Variants in ZNF226 observed in about 807,000 individuals in gnomAD.
The protein encoded by ZNF226 is zinc finger protein 226, also known as Kruppel-associated box protein.
Under a neutral mutation model 11.4 loss-of-function variants are expected in ZNF226, and 6 were observed. That is an observed-to-expected ratio of 0.53 (90% CI 0.29 to 1.04). The LOEUF is 1.04. Ranked by LOEUF, ZNF226 falls within the 50% of genes least tolerant of loss-of-function variation. The pLI, the probability that ZNF226 is intolerant of heterozygous loss-of-function variation, is 0.08. For synonymous variants in ZNF226, 350 were observed against 322.8 expected (o/e 1.08, Z -0.90); for missense variants, 1,058 against 956.5 (o/e 1.11, Z -1.40).
chr19:44,186,219 T>C, the ZNF226 span, among the ~76,000 whole-genome samples: 2 of 152,184 alleles, frequency 1.3e-5, no homozygotes, highest in East Asian at 3.9e-4. Flanking sequence ...TTAGAATTTT[T>C]TTTTCCTATT....
chr19:44,177,582 C>T lies in ZNF226; in HGVS notation c.2320C>T (p.His774Tyr), dbSNP rs2122525619. 1 of 1,613,958 alleles carries T rather than the reference C, an allele frequency of 6.2e-7. No individual in the cohort carries two copies. The highest frequency in any genetic ancestry group is 8.5e-7 in the Non-Finnish European group (1 of 1,179,886). Residue 774 changes from histidine (H) to tyrosine (Y), a missense_variant, in exon 6 of 6, where the codon CAC becomes TAC. Physicochemically the swap from His to Tyr is moderately conservative, Grantham distance 83 (BLOSUM62 2). Transcript: ENST00000337433. ...FSWRSNLTVH[H>Y]RIHVGDKSYK... ...TTGGCGATCAAATCTTACAGTTCAT[C>T]ACAGAATCCATGTTGGTGATAAATC...
the ZNF226 span, among the ~76,000 whole-genome samples, chr19:44,195,733 G>A: frequency 6.6e-6 from 1 of 152,138 alleles, no homozygotes; most frequent in African/African-American, 2.4e-5. Flanking sequence ...CTTTGTGATC[G>A]TTCCTCTTAT....
At position 44,175,658 on chromosome 19, in the gene ZNF226, C is replaced by G; in HGVS notation, c.396C>G (p.Tyr132Ter). Residue 132 changes from tyrosine to a stop codon, truncating the protein, a stop_gained, in exon 6 of 6, where the codon TAC becomes TAG. Coordinates refer to ENST00000337433, the MANE Select transcript of ZNF226 (RefSeq NM_001032373.2). LOFTEE classifies it low-confidence loss of function (END_TRUNC). ...GTCACAAACAAGGTGATTTCCCTTA[C>G]CAGGTAGGGACAGAACTGTCTATTC... ...SQCHKQGDFP[Y>*]QVGTELSIQI... The G allele has an allele frequency of 5.0e-6, 8 of 1,613,780 alleles. No individual in the cohort carries two copies. The highest frequency in any genetic ancestry group is 1.1e-5 in the South Asian group (1 of 91,050).
downstream of ZNF226, among the ~76,000 whole-genome samples, chr19:44,182,354 C>CAT (rs534054481): frequency 4.5e-4 from 61 of 136,878 alleles, no homozygotes; most frequent in Admixed American, 2.3e-3. Context: ...CGCGCGCGTG[C>CAT]ATACACACAC....
chr19:44,172,899 G>C lies in ZNF226; in HGVS notation c.182G>C (p.Arg61Thr). The C allele has an allele frequency of 6.2e-7, 1 of 1,606,376 alleles. No homozygotes were observed. The change falls in exon 5 of 6, where the codon AGA (arginine) becomes ACA (threonine). Residue 61 changes from arginine to threonine, a missense_variant. Coordinates refer to ENST00000337433, the MANE Select transcript of ZNF226 (RefSeq NM_001032373.2). ...AAACAAGATGTATCACCTATAGAAAGAAATGAGCAGCTTTGGATAATGACG... is the reference window on the plus strand; with the variant it reads ...AAACAAGATGTATCACCTATAGAAACAAATGAGCAGCTTTGGATAATGACG... The part of the protein sequence containing the change: ...PFKQDVSPIE[R>T]NEQLWIMTTA...
intron 5 of ZNF226, 148 bp downstream of exon 5, chr19:44,173,100 C>A: frequency 1.5e-6 from 1 of 666,554 alleles, no homozygotes; most frequent in Non-Finnish European, 2.6e-6. Context: ...CTGCTCCCAC[C>A]CCTCTCCTCT....
chr19:44,167,447 C>T (rs1389856396), intron 2 of ZNF226, among the ~76,000 whole-genome samples: 2 of 149,638 alleles, frequency 1.3e-5, no homozygotes, highest in East Asian at 2.0e-4. Flanking sequence ...ACCTCCCAAA[C>T]ATCTGAGATT....
chr19:44,183,329 TGA>T (rs1210619771), downstream of ZNF226, among the ~76,000 whole-genome samples: 1 of 152,176 alleles, frequency 6.6e-6, no homozygotes, highest in Non-Finnish European at 1.5e-5. Flanking sequence ...ACTCATCCTC[TGA>T]TTATTTCCCA....
chr19:44,187,694 A>G, the ZNF226 span, among the ~76,000 whole-genome samples: 22 of 151,626 alleles, frequency 1.5e-4, no homozygotes, highest in Middle Eastern at 3.4e-3. This position sits in a 1 kb window ranked among gnomAD's most constrained non-coding sequence, Gnocchi z 4.0. Flanking sequence ...TTCTTTTCCT[A>G]TTTCCTTAAA....
the ZNF226 span, among the ~76,000 whole-genome samples, chr19:44,198,601 A>G: frequency 1.3e-4 from 20 of 152,332 alleles, no homozygotes; most frequent in South Asian, 4.1e-4. Context: ...TTTTAATGCA[A>G]GTAACCAAAG....
chr19:44,182,177 T>TA (rs908283859), downstream of ZNF226, among the ~76,000 whole-genome samples: 88 of 151,932 alleles, frequency 5.8e-4, no homozygotes, highest in African/African-American at 1.9e-3. Context: ...TACCCTAAAG[T>TA]AAAAAAAAGC....
downstream of ZNF226, among the ~76,000 whole-genome samples, chr19:44,182,123 C>G (rs575691868): frequency 5.3e-5 from 8 of 152,304 alleles, no homozygotes; most frequent in South Asian, 1.7e-3. Context: ...ATAGTTTCAA[C>G]AGTTTTCTCA....
Position 44,176,336 on chromosome 19 carries a change from G to A in ZNF226, c.1074G>A (p.Thr358=), listed in dbSNP as rs2178342. 0.038 allele frequency: 61,761 copies of A among 1,614,008 alleles called. 8,678 individuals are homozygous for A. The African/African-American group carries it at 0.41, about 11-fold the overall frequency. The part of the protein sequence containing the change: ...SALNVHCKVH[T]AEKPYNCEEC... ...TTAATGTTCATTGCAAGGTCCACAC[G>A]GCAGAGAAACCTTATAATTGTGAGG... is the stretch of plus-strand genomic sequence containing the variant. The change falls in exon 6 of 6, where the codon ACG becomes ACA. Residue 358 remains threonine, a synonymous_variant. Transcript: ENST00000337433.
the ZNF226 span, among the ~76,000 whole-genome samples, chr19:44,186,068 A>G: frequency 6.6e-6 from 1 of 152,032 alleles, no homozygotes; most frequent in East Asian, 1.9e-4. Flanking sequence ...ATTTGGTTAT[A>G]TATGCAGGGG....
chr19:44,188,442 G>A, the ZNF226 span, among the ~76,000 whole-genome samples: 1 of 152,124 alleles, frequency 6.6e-6, no homozygotes, highest in Admixed American at 6.5e-5. Context: ...TTTTTTGGGT[G>A]ATTATTCCCT....
At chr19:44,188,796 T>C in the ZNF226 span, among the ~76,000 whole-genome samples, 1 of 152,216 alleles carries the variant, frequency 6.6e-6, no homozygotes, top group Non-Finnish European at 1.5e-5. Context: ...AGACAGAGTC[T>C]CTCTAAAATA....
chr19:44,170,348 GCA>G (rs1274394528), intron 3 of ZNF226, among the ~76,000 whole-genome samples: 4 of 152,196 alleles, frequency 2.6e-5, no homozygotes, highest in Admixed American at 2.0e-4. Context: ...TGTAATCCCA[GCA>G]CTTTGGGAGG....
downstream of ZNF226, among the ~76,000 whole-genome samples, chr19:44,179,747 C>T (rs1451113799): frequency 1.3e-5 from 2 of 151,942 alleles, no homozygotes; most frequent in Non-Finnish European, 1.5e-5. Flanking sequence ...TTTCTAGGTA[C>T]TGTATGGCAA....
At chr19:44,171,248 G>T (rs1363503750) in intron 3 of ZNF226, among the ~76,000 whole-genome samples, 1 of 152,038 alleles carries the variant, frequency 6.6e-6, no homozygotes, top group East Asian at 1.9e-4. Flanking sequence ...TGTTTTGTGT[G>T]TGGTACTTCA....
Sources: gnomAD v4.1 joint callset for allele counts (sites outside exome capture counted in the v4.1 genomes callset) on GRCh38, gnomAD v4.1.1 for gene constraint, Gnocchi (gnomAD v3.1) non-coding constraint, MANE v1.5 for transcripts, NCBI Gene and HGNC (gene_info 2026-07-23, HGNC 2026-07-21) for gene names.